The following CTNNA3 variants were observed in gnomAD, a reference collection of about 807,000 sequenced individuals.
CTNNA3 encodes catenin alpha 3, also known as catenin alpha-3.
A neutral mutation model predicts 95.7 loss-of-function variants in CTNNA3; 76 were observed. The observed-to-expected ratio is 0.79, with a 90% confidence interval of 0.66 to 0.96. The LOEUF is 0.96. CTNNA3 is among the 40% of genes least tolerant of loss of function. CTNNA3 has a pLI of 0.00. For missense variants in CTNNA3, 1,191 were observed against 1,089.8 expected, an observed-to-expected ratio of 1.09 and a Z score of -1.31; for synonymous variants, 431 against 374.4, an observed-to-expected ratio of 1.15 and a Z score of -1.74.
intron 10 of CTNNA3, among the ~76,000 whole-genome samples, chr10:66,530,126 T>C (rs536491019): frequency 1.2e-3 from 181 of 152,342 alleles, no homozygotes; most frequent in Non-Finnish European, 2.2e-3. Context: ...TTGGCATTGA[T>C]ACAAATAATC....
At chr10:67,417,283 T>G (rs1448842361) in intron 5 of CTNNA3, among the ~76,000 whole-genome samples, 1 of 151,962 alleles carries the variant, frequency 6.6e-6, no homozygotes, top group Non-Finnish European at 1.5e-5. Flanking sequence ...AAATAGACAT[T>G]GTGGACTCCA....
rs529391461 is a variant in CTNNA3, at chr10:67,505,661, C to T, written c.579+16181G>A. 4.6e-5 allele frequency among the ~76,000 whole-genome samples: 7 copies of T among 152,314 alleles called. No homozygotes were observed. In the South Asian group the frequency reaches 1.5e-3, roughly 32 times the overall value. ...TCTAAACATTTTCATCCAATAAGTA[C>T]TCCGTATCAACAATCAGCACCTCAC... is the stretch of plus-strand genomic sequence containing the variant. On this transcript the variant is annotated intron_variant, in intron 5 of 17. Transcript: ENST00000433211.
intron 7 of CTNNA3, among the ~76,000 whole-genome samples, chr10:67,027,546 T>G (rs1008634014): frequency 6.6e-6 from 1 of 151,572 alleles, no homozygotes; most frequent in Non-Finnish European, 1.5e-5. Flanking sequence ...GTGATTCTCC[T>G]GCCTCAGCCT....
chr10:66,325,525 A>G (rs1399818809), intron 12 of CTNNA3, among the ~76,000 whole-genome samples: 1 of 152,114 alleles, frequency 6.6e-6, no homozygotes, highest in East Asian at 1.9e-4. Context: ...GATTATAGGC[A>G]TGAGCCGCTG....
At chr10:66,331,414 C>T (rs1197719814) in intron 12 of CTNNA3, among the ~76,000 whole-genome samples, 3 of 129,926 alleles carry the variant, frequency 2.3e-5, no homozygotes, top group Non-Finnish European at 3.1e-5. Context: ...AGTGCAGTGG[C>T]GCGATCTCGA....
At chr10:67,198,081 A>G (rs1228356407) in intron 6 of CTNNA3, among the ~76,000 whole-genome samples, 3 of 152,172 alleles carry the variant, frequency 2.0e-5, no homozygotes, top group African/African-American at 4.8e-5. Flanking sequence ...AAGAAACTGA[A>G]TTTTTAGTTT....
At chr10:67,505,330 A>G (rs903080456) in intron 5 of CTNNA3, among the ~76,000 whole-genome samples, 6 of 152,232 alleles carry the variant, frequency 3.9e-5, no homozygotes, top group African/African-American at 1.4e-4. Context: ...CTTTAACATT[A>G]AAGTTGGGAA....
chr10:67,231,388 C>A (rs1260941370), intron 5 of CTNNA3, among the ~76,000 whole-genome samples: 1 of 152,364 alleles, frequency 6.6e-6, no homozygotes, highest in African/African-American at 2.4e-5. Flanking sequence ...AGCAGCCTAA[C>A]TGGGAGGCAA....
intron 7 of CTNNA3, among the ~76,000 whole-genome samples, chr10:67,087,685 T>C (rs1857383773): frequency 6.6e-6 from 1 of 151,970 alleles, no homozygotes; most frequent in African/African-American, 2.4e-5. Context: ...TTTAGCCCTC[T>C]ACCTCTAAGC....
At chr10:66,436,501 CTTTTTTTTTTTTTTTT>C (rs34165061) in intron 11 of CTNNA3, among the ~76,000 whole-genome samples, 4 of 60,370 alleles carry the variant, frequency 6.6e-5, no homozygotes, top group African/African-American at 2.5e-4. Context: ...ACAATCCCTG[CTTTTTTTTTTTTTTTT>C]TTTTTTTTTG....
chr10:66,425,304 T>C (rs2093230223), intron 11 of CTNNA3, among the ~76,000 whole-genome samples: 1 of 151,968 alleles, frequency 6.6e-6, no homozygotes, highest in Non-Finnish European at 1.5e-5. Context: ...AGAAAACTAA[T>C]AAATTTACAA....
chr10:66,066,161 C>T (rs990570117), intron 15 of CTNNA3, among the ~76,000 whole-genome samples: 3 of 152,116 alleles, frequency 2.0e-5, no homozygotes, highest in African/African-American at 4.8e-5. Flanking sequence ...CCGCACCTAG[C>T]CACCAAGATG....
At chr10:65,935,504 C>T (rs912170339) in intron 17 of CTNNA3, among the ~76,000 whole-genome samples, 3 of 152,108 alleles carry the variant, frequency 2.0e-5, no homozygotes, top group African/African-American at 7.2e-5. Flanking sequence ...TTTGAAAAGA[C>T]TGGTTTTTAT....
At chr10:67,263,416 T>C (rs1427217535) in intron 5 of CTNNA3, among the ~76,000 whole-genome samples, 1 of 152,164 alleles carries the variant, frequency 6.6e-6, no homozygotes, top group East Asian at 1.9e-4. Flanking sequence ...ATGCGTTGAT[T>C]TGTGGCATGA....
chr10:67,689,243 A>G (rs560266883), intron 1 of CTNNA3, among the ~76,000 whole-genome samples: 8 of 152,308 alleles, frequency 5.3e-5, no homozygotes, highest in African/African-American at 1.7e-4. Context: ...AATAGGAAAG[A>G]TACCATTTCC....
intron 17 of CTNNA3, among the ~76,000 whole-genome samples, chr10:65,933,542 C>T (rs2077287392): frequency 6.6e-6 from 1 of 151,694 alleles, no homozygotes; most frequent in South Asian, 2.1e-4. Flanking sequence ...TGCATCATAG[C>T]AAAAAAACGA....
chr10:66,784,487 T>C (rs1197307966), intron 7 of CTNNA3, among the ~76,000 whole-genome samples: 1 of 152,178 alleles, frequency 6.6e-6, no homozygotes, highest in African/African-American at 2.4e-5. Flanking sequence ...CAGATCTATA[T>C]GGCATTACTT....
chr10:66,099,342 G>C (rs1589396639), intron 14 of CTNNA3, among the ~76,000 whole-genome samples: 1 of 152,124 alleles, frequency 6.6e-6, no homozygotes, highest in African/African-American at 2.4e-5. Context: ...CAGTGCAATG[G>C]ATATGAAATT....
chr10:67,217,330 A>G (rs1864419055), intron 6 of CTNNA3, among the ~76,000 whole-genome samples: 1 of 152,252 alleles, frequency 6.6e-6, no homozygotes, highest in African/African-American at 2.4e-5. Flanking sequence ...TATCTAGTTC[A>G]GTCAGCCACA....
Sources: allele counts gnomAD v4.1 joint callset (sites outside exome capture counted in the v4.1 genomes callset), GRCh38; gene constraint gnomAD v4.1.1; transcripts MANE v1.5; gene names NCBI Gene and HGNC (gene_info 2026-07-23, HGNC 2026-07-21).